ERCC6L2: variants seen among roughly 807,000 people sequenced by gnomAD.
The protein encoded by ERCC6L2 is ERCC excision repair 6 like 2, also known as DNA excision repair protein ERCC-6-like 2.
In ERCC6L2, 77 loss-of-function variants were observed where a neutral mutation model predicts 132.0. That is an observed-to-expected ratio of 0.58 (90% CI 0.49 to 0.71). ERCC6L2 has a LOEUF of 0.71. ERCC6L2 is among the 30% of genes least tolerant of loss of function. The probability of loss-of-function intolerance (pLI) is 0.00; values close to 1 mark genes in which losing one functional copy is unlikely to be tolerated. For missense variants in ERCC6L2, 1,542 were observed against 1,837.6 expected (o/e 0.84, Z 2.94); for synonymous variants, 583 against 632.4 (o/e 0.92, Z 1.17).
At chr9:95,877,825 A>G (rs535097318) in intron 1 of ERCC6L2, among the ~76,000 whole-genome samples, 6 of 151,680 alleles carry the variant, frequency 4.0e-5, no homozygotes, top group Non-Finnish European at 7.4e-5. Flanking sequence ...GAAAAAAAAA[A>G]GAATGTGTAA....
intron 17 of ERCC6L2, among the ~76,000 whole-genome samples, chr9:95,978,921 G>T (rs901835223): frequency 1.3e-5 from 2 of 152,124 alleles, no homozygotes; most frequent in African/African-American, 4.8e-5. Context: ...AAGAATGAAG[G>T]TGAGGGTAGA....
At position 95,966,723 on chromosome 9, in the gene ERCC6L2, T is replaced by A. The variant is rs1353991330; in HGVS notation, c.2100+9T>A. ...CGAAGGACATCCTGGAGGTGTGAAC[T>A]TCTTCTCTGACCTTTTCAATAATAT... On this transcript the variant is annotated intron_variant, in intron 14 of 18. Transcript: ENST00000653738. The A allele has an allele frequency of 7.0e-7, 1 of 1,428,002 alleles. No homozygotes were observed. Among genetic ancestry groups the A allele is most frequent in the Non-Finnish European group, 9.3e-7 (1 of 1,072,156 alleles). The allele number at this position is 1,428,002 out of a possible 1,614,324, so 88.5% of individuals were successfully genotyped here. A position where few individuals can be genotyped will look rare whatever the true frequency, so the allele number is the denominator to read the frequency against.
chr9:95,971,434 C>T (rs1434843951), intron 15 of ERCC6L2: 1 of 152,074 alleles, frequency 6.6e-6, no homozygotes, highest in African/African-American at 2.4e-5. Context: ...CTTCAAAATT[C>T]TTTATTTCTG....
At chr9:96,023,337 C>T (rs999855031), downstream of ERCC6L2, among the ~76,000 whole-genome samples, 12 of 152,204 alleles carry the variant, frequency 7.9e-5, no homozygotes, top group Admixed American at 3.3e-4. Context: ...AATACAGATC[C>T]TACCAGTGGT....
chr9:95,983,872 C>T (rs560038314), intron 17 of ERCC6L2, among the ~76,000 whole-genome samples: 151 of 152,312 alleles, frequency 9.9e-4, no homozygotes, highest in African/African-American at 3.4e-3. Flanking sequence ...AGGCTTACAT[C>T]GCTGTGGTCT....
intron 19 of ERCC6L2, among the ~76,000 whole-genome samples, chr9:96,034,859 C>T (rs1297530738): frequency 6.6e-6 from 1 of 151,810 alleles, no homozygotes; most frequent in Non-Finnish European, 1.5e-5. Context: ...ATCTGCCCTC[C>T]TGGATGAAGC....
At chr9:95,892,447 G>A (rs1483376604) in intron 2 of ERCC6L2, among the ~76,000 whole-genome samples, 1 of 144,978 alleles carries the variant, frequency 6.9e-6, no homozygotes, top group Non-Finnish European at 1.5e-5. Context: ...TTTTTTTGAG[G>A]CAAGGTCCTG....
intron 17 of ERCC6L2, among the ~76,000 whole-genome samples, chr9:96,000,860 C>T (rs890153307): frequency 5.9e-5 from 9 of 152,138 alleles, no homozygotes; most frequent in Non-Finnish European, 8.8e-5. Context: ...ATAGTGTGTC[C>T]GGAATTGGTG....
At position 95,941,893 on chromosome 9, in the gene ERCC6L2, G is replaced by A. The variant is rs549548772; in HGVS notation, c.1847+344G>A. Among the ~76,000 whole-genome samples, 18 of 152,272 alleles carry A rather than the reference G, an allele frequency of 1.2e-4. No homozygotes were observed. The East Asian group carries it at 2.9e-3, about 25-fold the overall frequency. ...AGTAGAATCTGTGATCAGGGTATCCGCAGAGAAATACTACAATCCAAAGTC... is the reference window on the plus strand; with the variant it reads ...AGTAGAATCTGTGATCAGGGTATCCACAGAGAAATACTACAATCCAAAGTC... On this transcript the variant is annotated intron_variant, in intron 12 of 18. Coordinates refer to ENST00000653738, the MANE Select transcript of ERCC6L2 (RefSeq NM_020207.7).
intron 11 of ERCC6L2, among the ~76,000 whole-genome samples, chr9:95,933,544 T>C (rs546110763): frequency 6.6e-6 from 1 of 152,222 alleles, no homozygotes; most frequent in African/African-American, 2.4e-5. Context: ...ATATTTTGCT[T>C]ATAGAAGTCT....
intron 17 of ERCC6L2, among the ~76,000 whole-genome samples, chr9:95,990,292 A>G (rs534479127): frequency 1.3e-5 from 2 of 152,164 alleles, no homozygotes; most frequent in African/African-American, 4.8e-5. Context: ...GGTGAAGCCC[A>G]CTCTTGATTA....
chr9:96,026,278 C>A (rs1359579949), intron 19 of ERCC6L2, among the ~76,000 whole-genome samples: 1 of 152,198 alleles, frequency 6.6e-6, no homozygotes, highest in Non-Finnish European at 1.5e-5. Context: ...TCCTGTCCTG[C>A]GATCTGCGGC....
intron 11 of ERCC6L2, among the ~76,000 whole-genome samples, chr9:95,936,174 A>G (rs1026529361): frequency 1.3e-5 from 2 of 152,176 alleles, no homozygotes; most frequent in Non-Finnish European, 2.9e-5. Context: ...TTAGTGGGAA[A>G]GGGAAGTAGT....
chr9:95,905,113 T>C (rs2132647512), intron 3 of ERCC6L2: 1 of 152,322 alleles, frequency 6.6e-6, no homozygotes. Context: ...CCAGAGTTGC[T>C]TTGTGTGTAG....
chr9:95,965,967 C>G (rs1175315165), intron 13 of ERCC6L2, among the ~76,000 whole-genome samples: 1 of 152,100 alleles, frequency 6.6e-6, no homozygotes. Context: ...AGTAAAATAT[C>G]CAGCAAATAG....
At chr9:95,916,142 A>G in intron 5 of ERCC6L2, 85 bp from the exon 6 acceptor site, 1 of 1,206,904 alleles carries the variant, frequency 8.3e-7, no homozygotes. Flanking sequence ...TTGATAATCA[A>G]GTAATGTAGT....
chr9:96,028,704 G>T (rs923149727), intron 19 of ERCC6L2, among the ~76,000 whole-genome samples: 28 of 152,326 alleles, frequency 1.8e-4, no homozygotes, highest in African/African-American at 6.5e-4. Flanking sequence ...AGGTTGTCCA[G>T]AGGAAGTTCT....
At chr9:95,914,818 T>C (rs1564218388) in intron 4 of ERCC6L2, among the ~76,000 whole-genome samples, 1 of 152,206 alleles carries the variant, frequency 6.6e-6, no homozygotes, top group African/African-American at 2.4e-5. Context: ...TAATTGACTA[T>C]AAGTTTTGTG....
intron 12 of ERCC6L2, among the ~76,000 whole-genome samples, chr9:95,943,214 T>A (rs1830886360): frequency 6.6e-6 from 1 of 152,130 alleles, no homozygotes; most frequent in African/African-American, 2.4e-5. Flanking sequence ...ATGAAAAAAT[T>A]AGTAACAAGA....
Sources: gnomAD v4.1 joint callset for allele counts (sites outside exome capture counted in the v4.1 genomes callset) on GRCh38, gnomAD v4.1.1 for gene constraint, MANE v1.5 for transcripts, NCBI Gene and HGNC (gene_info 2026-07-23, HGNC 2026-07-21) for gene names.